Variants in OGFRL1 observed in about 807,000 individuals in gnomAD.
OGFRL1 encodes the protein opioid growth factor receptor like 1.
In OGFRL1, 26 loss-of-function variants were observed where a neutral mutation model predicts 32.4. The ratio of observed to expected loss-of-function variants is 0.80; its 90% CI spans 0.59 to 1.11. The LOEUF (loss-of-function observed/expected upper bound fraction) is 1.11, where lower values mean the gene tolerates loss of function less well. OGFRL1 is among the 50% of genes most tolerant of loss of function. OGFRL1 has a pLI of 0.00. For synonymous variants in OGFRL1, 211 were observed against 201.2 expected (o/e 1.05, Z -0.41); for missense variants, 521 against 546.4 (o/e 0.95, Z 0.46).
At chr6:71,296,932 TA>T (rs1247877764) in intron 6 of OGFRL1, 115 bp downstream of exon 6, 1 of 1,224,340 alleles carries the variant, frequency 8.2e-7, no homozygotes, top group Non-Finnish European at 1.1e-6. Context: ...GAATTTGGAT[TA>T]AAAAGCTAGT....
rs775329481 is a variant in OGFRL1 at position 71,296,689 on chromosome 6, A to G, written c.564A>G (p.Lys188=). ...TYEIEEFKKT[K]EAIRRFLLAY... ...TATATTAGGAATTCAAAAAAACAAAAGAAGCAATTAGAAGATTCCTCCTGG... is the reference window on the plus strand; with the variant it reads ...TATATTAGGAATTCAAAAAAACAAAGGAAGCAATTAGAAGATTCCTCCTGG... The change falls in exon 6 of 7, where the codon AAA becomes AAG. Residue 188 remains lysine, a synonymous_variant. Transcript: ENST00000370435. 3 of 1,610,398 alleles carry G rather than the reference A, an allele frequency of 1.9e-6. No homozygotes were observed. The East Asian group carries it at 6.7e-5, about 36-fold the overall frequency.
rs1236708212 is a variant in OGFRL1 at position 71,307,931 on chromosome 6, G to A, written c.*5882G>A. 1 of 152,230 alleles carries A rather than the reference G, an allele frequency of 6.6e-6. No individual in the cohort carries two copies. The highest frequency in any genetic ancestry group is 1.5e-5 in the Non-Finnish European group (1 of 68,044). The allele number at this position is 152,230 out of a possible 1,614,324, so 9.4% of individuals were successfully genotyped here. On this transcript the variant is annotated 3_prime_UTR_variant, in exon 7 of 7. Transcript: ENST00000370435. Reference sequence around the variant, plus strand: ...TGTGTAAGTGCCAGAATTATTGGAAGCAGGTGACGAATGATTAAGAAAAGC... The same window carrying A: ...TGTGTAAGTGCCAGAATTATTGGAAACAGGTGACGAATGATTAAGAAAAGC...
rs1766447458 is a variant in OGFRL1, at chr6:71,303,040, C to G, written c.*991C>G. 1.3e-5 allele frequency: 2 copies of G among 152,120 alleles called. No homozygotes were observed. Among genetic ancestry groups the G allele is most frequent in the Admixed American group, 1.3e-4 (2 of 15,270 alleles). The allele number at this position is 152,120 out of a possible 1,614,324, so 9.4% of individuals were successfully genotyped here. ...AGTTGGCCCTCCATATTCAGGGGTCCAGCATCTGTGGATTCAACCAACCGC... is the reference window on the plus strand; with the variant it reads ...AGTTGGCCCTCCATATTCAGGGGTCGAGCATCTGTGGATTCAACCAACCGC... On this transcript the variant is annotated 3_prime_UTR_variant, in exon 7 of 7. Coordinates refer to ENST00000370435, the MANE Select transcript of OGFRL1 (RefSeq NM_024576.5).
rs551206380 is a variant in OGFRL1 at position 71,301,509 on chromosome 6, T to C, written c.816T>C (p.Ile272=). ...ATGAAGCTCTTGTGGAGAATACTAT[T>C]CCCAATATTAAGCAGAGTGCTCTAG... is the stretch of plus-strand genomic sequence containing the variant. ...ILHEALVENT[I]PNIKQSALEY... Residue 272 remains isoleucine (I), a synonymous_variant, in exon 7 of 7, where the codon ATT becomes ATC. Transcript: ENST00000370435. 7.4e-5 allele frequency: 120 copies of C among 1,614,050 alleles called. 3 individuals carry two copies. The South Asian group carries it at 1.2e-3, about 16-fold the overall frequency.
At chr6:71,293,719 C>A in intron 3 of OGFRL1, 108 bp downstream of exon 3, 2 of 705,386 alleles carry the variant, frequency 2.8e-6, no homozygotes, top group Non-Finnish European at 4.8e-6. Flanking sequence ...GCTATGCAGT[C>A]TAATGTGTCC....
Position 71,296,506 on chromosome 6 carries a change from T to C in OGFRL1, c.491T>C (p.Leu164Pro). 1.2e-6 allele frequency: 2 copies of C among 1,609,266 alleles called. No individual in the cohort carries two copies. Among genetic ancestry groups the C allele is most frequent in the Non-Finnish European group, 1.7e-6 (2 of 1,177,834 alleles). The change falls in exon 5 of 7, where the codon CTG (leucine) becomes CCG (proline). Residue 164 changes from leucine (L) to proline (P), a missense_variant. Physicochemically the swap from Leu to Pro is moderately conservative, Grantham distance 98 (BLOSUM62 -3). Coordinates refer to ENST00000370435, the MANE Select transcript of OGFRL1 (RefSeq NM_024576.5). ...TTTAAAATAAATAGGCTTTTCCCCC[T>C]GAGAGAACAAGGCTTGAACTTCTAT... ...NHTYIQWLFP[L>P]REQGLNFYAK...
rs886356070 is a variant in OGFRL1, at chr6:71,307,556, A to C, written c.*5507A>C. 6.6e-5 allele frequency: 10 copies of C among 152,154 alleles called. No homozygotes were observed. The highest frequency in any genetic ancestry group is 2.4e-4 in the African/African-American group (10 of 41,452). The allele number at this position is 152,154 out of a possible 1,614,324, so 9.4% of individuals were successfully genotyped here. On this transcript the variant is annotated 3_prime_UTR_variant, in exon 7 of 7. Transcript: ENST00000370435. ...AGTTGTTCATTCACAGCTGTATATTAATATAAAATCTCTTTATAAAATGAT... is the reference window on the plus strand; with the variant it reads ...AGTTGTTCATTCACAGCTGTATATTCATATAAAATCTCTTTATAAAATGAT...
intron 3 of OGFRL1, 151 bp downstream of exon 3, chr6:71,293,762 T>A: frequency 1.7e-6 from 1 of 604,524 alleles, no homozygotes; most frequent in Admixed American, 3.2e-5. Context: ...AGCTATGGAT[T>A]AATGGTATCT....
Position 71,293,586 on chromosome 6 carries a change from G to T in OGFRL1, c.375G>T (p.Lys125Asn), listed in dbSNP as rs775819607. 6.2e-7 allele frequency: 1 copy of T among 1,612,062 alleles called. No homozygotes were observed. The highest frequency in any genetic ancestry group is 1.1e-5 in the South Asian group (1 of 90,958). ...QNDLSNLRFY[K>N]NKIPFKPDGV... ...ACTTGAGCAATCTTCGTTTTTATAA[G>T]AATAAAATTCCATTCAAGCCAGATG... Residue 125 changes from lysine (K) to asparagine (N), a missense_variant, in exon 3 of 7, where the codon AAG (lysine) becomes AAT (asparagine). Physicochemically the swap from Lys to Asn is moderately conservative, Grantham distance 94. Coordinates refer to ENST00000370435, the MANE Select transcript of OGFRL1 (RefSeq NM_024576.5).
chr6:71,297,780 A>G (rs745622797), intron 6 of OGFRL1, among the ~76,000 whole-genome samples: 23 of 151,638 alleles, frequency 1.5e-4, no homozygotes, highest in Non-Finnish European at 3.1e-4. Flanking sequence ...CTTTGGTAAG[A>G]TGGGTATAAA....
At chr6:71,297,299 AAG>A (rs916947564) in intron 6 of OGFRL1, among the ~76,000 whole-genome samples, 5 of 152,188 alleles carry the variant, frequency 3.3e-5, no homozygotes, top group African/African-American at 1.2e-4. Context: ...TTTTTACTAA[AAG>A]AGAGAGAAAA....
chr6:71,307,097 C>T lies in OGFRL1; in HGVS notation c.*5048C>T, dbSNP rs1766575850. 1 of 151,882 alleles carries T rather than the reference C, an allele frequency of 6.6e-6. No individual in the cohort carries two copies. Among genetic ancestry groups the T allele is most frequent in the East Asian group, 1.9e-4 (1 of 5,180 alleles). The allele number at this position is 151,882 out of a possible 1,614,324, so 9.4% of individuals were successfully genotyped here. A position where few individuals can be genotyped will look rare whatever the true frequency, so the allele number is the denominator to read the frequency against. On this transcript the variant is annotated 3_prime_UTR_variant, in exon 7 of 7. Transcript: ENST00000370435. ...ATAACCTCTTAATATGTTTATTTTCCTGAACTAAAGTTTTCATGTAGAGAA... is the reference window on the plus strand; with the variant it reads ...ATAACCTCTTAATATGTTTATTTTCTTGAACTAAAGTTTTCATGTAGAGAA...
chr6:71,291,670 A>G (rs1479883272), intron 1 of OGFRL1: 2 of 152,248 alleles, frequency 1.3e-5, no homozygotes, highest in African/African-American at 4.8e-5. Flanking sequence ...GGACACAGAC[A>G]TTCTTATGAT....
rs751194961 is a variant in OGFRL1 at position 71,293,526 on chromosome 6, T to C, written c.322-7T>C. 5.0e-6 allele frequency: 8 copies of C among 1,610,588 alleles called. No individual in the cohort carries two copies. The South Asian group carries it at 8.8e-5, about 18-fold the overall frequency. On this transcript the variant is annotated splice_polypyrimidine_tract_variant and splice_region_variant and intron_variant, in intron 2 of 6. Transcript: ENST00000370435. ...GCTGGAGATTGATTTATTTTTTCCTTTAGCAGAACTTCAAAGATATCCGAT... is the reference window on the plus strand; with the variant it reads ...GCTGGAGATTGATTTATTTTTTCCTCTAGCAGAACTTCAAAGATATCCGAT...
rs894721691 is a variant in OGFRL1, at chr6:71,304,948, T to A, written c.*2899T>A. 3.3e-5 allele frequency: 5 copies of A among 152,082 alleles called. No homozygotes were observed. Among genetic ancestry groups the A allele is most frequent in the African/African-American group, 7.2e-5 (3 of 41,456 alleles). 9.4% of individuals were successfully genotyped at this position (152,082 alleles called of 1,614,324 possible). A position where few individuals can be genotyped will look rare whatever the true frequency, so the allele number is the denominator to read the frequency against. On this transcript the variant is annotated 3_prime_UTR_variant, in exon 7 of 7. Coordinates refer to ENST00000370435, the MANE Select transcript of OGFRL1 (RefSeq NM_024576.5). ...ATTAATGCTTTGTATATTAGTTTTT[T>A]AAATAAGATCTATAGATATGTATTT... is the stretch of plus-strand genomic sequence containing the variant.
chr6:71,298,615 G>C (rs1319813227), intron 6 of OGFRL1, among the ~76,000 whole-genome samples: 1 of 152,118 alleles, frequency 6.6e-6, no homozygotes, highest in Non-Finnish European at 1.5e-5. Context: ...GGGGAAGGGA[G>C]CCTGAACTAA....
chr6:71,305,566 A>G lies in OGFRL1; in HGVS notation c.*3517A>G, dbSNP rs1766523699. On this transcript the variant is annotated 3_prime_UTR_variant, in exon 7 of 7. Coordinates refer to ENST00000370435, the MANE Select transcript of OGFRL1 (RefSeq NM_024576.5). Reference sequence around the variant, plus strand: ...CAGCTTCAATGAGAAAATAAAATCTACAACTCAGGAGTTACTAGAGAAGTT... The same window carrying G: ...CAGCTTCAATGAGAAAATAAAATCTGCAACTCAGGAGTTACTAGAGAAGTT... The G allele has an allele frequency of 2.0e-5, 3 of 152,136 alleles. No homozygotes were observed. The highest frequency in any genetic ancestry group is 2.0e-4 in the Admixed American group (3 of 15,280). 9.4% of individuals were successfully genotyped at this position (152,136 alleles called of 1,614,324 possible). A position where few individuals can be genotyped will look rare whatever the true frequency, so the allele number is the denominator to read the frequency against.
intron 6 of OGFRL1, among the ~76,000 whole-genome samples, chr6:71,299,069 T>C (rs1766304383): frequency 6.6e-6 from 1 of 152,074 alleles, no homozygotes; most frequent in Admixed American, 6.6e-5. Flanking sequence ...CACTAAGAGG[T>C]GTTTTCAATT....
Position 71,301,570 on chromosome 6 carries a change from A to C in OGFRL1, c.877A>C (p.Arg293=). The C allele has an allele frequency of 6.2e-7, 1 of 1,614,228 alleles. No homozygotes were observed. The highest frequency in any genetic ancestry group is 1.1e-5 in the South Asian group (1 of 91,086). Residue 293 remains arginine (R), a synonymous_variant, in exon 7 of 7, where the codon AGG becomes CGG. Transcript: ENST00000370435. ...FVYTIRDRRE[R]RKLLRFAQKH... is the part of the protein sequence containing the mutation. Reference sequence around the variant, plus strand: ...TTATACAATTAGAGACAGAAGAGAAAGGAGAAAGCTCCTGCGGTTCGCCCA... The same window carrying C: ...TTATACAATTAGAGACAGAAGAGAACGGAGAAAGCTCCTGCGGTTCGCCCA...
Sources: gnomAD v4.1 joint callset for allele counts (sites outside exome capture counted in the v4.1 genomes callset) on GRCh38, gnomAD v4.1.1 for gene constraint, MANE v1.5 for transcripts, NCBI Gene and HGNC (gene_info 2026-07-23, HGNC 2026-07-21) for gene names.